PRPS1: variants seen among roughly 807,000 people sequenced by gnomAD.
The protein encoded by PRPS1 is ribose-phosphate pyrophosphokinase 1.
Under a neutral mutation model 16.9 loss-of-function variants are expected in PRPS1, and 1 was observed. The observed-to-expected ratio is 0.06, with a 90% CI of 0.02 to 0.28. The LOEUF is 0.28. Ranked by LOEUF, PRPS1 falls within the 10% of genes least tolerant of loss-of-function variation. The pLI is 1.00. For synonymous variants in PRPS1, 70 were observed against 90.2 expected (o/e 0.78, Z 1.27); for missense variants, 47 against 254.0 (o/e 0.19, Z 5.54).
chrX:107,641,051 G>A, intron 3 of PRPS1, 51 bp downstream of exon 3: 1 of 1,211,626 alleles, frequency 8.3e-7, no homozygotes, highest in Non-Finnish European at 1.1e-6. Context: ...GGAAAGGACT[G>A]ATGATGCTGA....
chrX:107,646,201 C>A (rs1925687948), intron 5 of PRPS1, among the ~76,000 whole-genome samples: 1 of 111,419 alleles, frequency 9.0e-6, no homozygotes, highest in East Asian at 2.8e-4. Context: ...ATCTTGGGCT[C>A]AAGAAATCCT....
chrX:107,639,958 A>T (rs2147681768), intron 2 of PRPS1, among the ~76,000 whole-genome samples: 1 of 112,845 alleles, frequency 8.9e-6, no homozygotes, highest in South Asian at 3.6e-4. Context: ...TATACATAAA[A>T]CTTTGCAAGT....
chrX:107,638,317 C>G (rs1226365848), intron 1 of PRPS1, among the ~76,000 whole-genome samples: 1 of 111,304 alleles, frequency 9.0e-6, no homozygotes, highest in East Asian at 2.8e-4. Flanking sequence ...CTGTGTTGGC[C>G]AGGCTGGTCT....
At chrX:107,633,557 AT>A (rs1040296958) in intron 1 of PRPS1, among the ~76,000 whole-genome samples, 1 of 110,117 alleles carries the variant, frequency 9.1e-6, no homozygotes, top group African/African-American at 3.3e-5. Flanking sequence ...ATTTATTTTT[AT>A]TTTTTGTTTG....
intron 1 of PRPS1, 105 bp from the exon 2 acceptor site, chrX:107,639,190 C>A (rs1602900565): frequency 1.0e-6 from 1 of 981,625 alleles, no homozygotes. Flanking sequence ...CAAATATTTT[C>A]AATCCACACT....
rs1925524303 is a variant in PRPS1 at position 107,639,495 on chromosome X, A to T, written c.306+17A>T. 2.5e-6 allele frequency: 3 copies of T among 1,207,831 alleles called. No individual in the cohort carries two copies. The highest frequency in any genetic ancestry group is 3.4e-6 in the Non-Finnish European group (3 of 891,846). Reference sequence around the variant, plus strand: ...AAAGATAAGGTAGGAGCAGAATTTTATTTTTTGAGCAGAGGAAGCAGGAGC... The same window carrying T: ...AAAGATAAGGTAGGAGCAGAATTTTTTTTTTTGAGCAGAGGAAGCAGGAGC... On this transcript the variant is annotated intron_variant, in intron 2 of 6. Transcript: ENST00000372435.
rs1324089280 is a variant in PRPS1 at position 107,641,073 on chromosome X, A to T, written c.405+73A>T. On this transcript the variant is annotated intron_variant, in intron 3 of 6. Transcript: ENST00000372435. ...ACTGATGATGCTGAAGACTGCAGAG[A>T]AGCCAAAAATTATGCCCAAGTACAT... 3 of 1,208,776 alleles carry T rather than the reference A, an allele frequency of 2.5e-6. No homozygotes were observed. The African/African-American group carries it at 5.3e-5, about 21-fold the overall frequency.
At chrX:107,628,889 G>A in intron 1 of PRPS1, 139 bp downstream of exon 1, 1 of 901,388 alleles carries the variant, frequency 1.1e-6, no homozygotes, top group Non-Finnish European at 1.6e-6. Flanking sequence ...CCTACCCCAC[G>A]GGCTGTTTCC....
chrX:107,644,591 G>A (rs1925647324), intron 4 of PRPS1, among the ~76,000 whole-genome samples: 1 of 111,872 alleles, frequency 8.9e-6, no homozygotes, highest in African/African-American at 3.2e-5. Context: ...GTACTGGTGA[G>A]GGTGTCTGTC....
chrX:107,641,950 AT>A (rs1925582828), intron 3 of PRPS1, among the ~76,000 whole-genome samples: 1 of 112,621 alleles, frequency 8.9e-6, no homozygotes, highest in African/African-American at 3.2e-5. Flanking sequence ...AGTAGCTTCC[AT>A]TAAGTTTATA....
chrX:107,650,933 T>C lies in PRPS1; in HGVS notation c.*901T>C, dbSNP rs1342921454. 4.0e-6 allele frequency: 1 copy of C among 247,279 alleles called. No homozygotes were observed. Among genetic ancestry groups the C allele is most frequent in the Non-Finnish European group, 7.2e-6 (1 of 139,521 alleles). The allele number at this position is 247,279 out of a possible 1,213,427, so 20.4% of individuals were successfully genotyped here. ...TTTTCATCTTCCTTCTTTGGATCTATTTGGCCTCTCAAATGAACTGAGATT... is the reference window on the plus strand; with the variant it reads ...TTTTCATCTTCCTTCTTTGGATCTACTTGGCCTCTCAAATGAACTGAGATT... On this transcript the variant is annotated 3_prime_UTR_variant, in exon 7 of 7. Transcript: ENST00000372435.
chrX:107,628,865 AGC>A, intron 1 of PRPS1, 115 bp downstream of exon 1: 1 of 1,055,716 alleles, frequency 9.5e-7, no homozygotes. Flanking sequence ...GAGAGGGTGC[AGC>A]TCTGTGACTA....
At chrX:107,645,956 C>T (rs1274098614) in intron 5 of PRPS1, among the ~76,000 whole-genome samples, 2 of 110,681 alleles carry the variant, frequency 1.8e-5, no homozygotes, top group Admixed American at 9.7e-5. Context: ...AGTCACCGTT[C>T]TCTCACCTCC....
intron 1 of PRPS1, 112 bp from the exon 2 acceptor site, chrX:107,639,183 A>T (rs1167445210): frequency 2.1e-6 from 2 of 963,409 alleles, no homozygotes; most frequent in African/African-American, 3.8e-5. Context: ...TTTTCTCCAA[A>T]TATTTTCAAT....
chrX:107,646,918 G>A (rs937025236), intron 5 of PRPS1, among the ~76,000 whole-genome samples: 8 of 112,653 alleles, frequency 7.1e-5, no homozygotes, highest in African/African-American at 2.3e-4. Flanking sequence ...GCTGGGAAAT[G>A]TAGTTCAGCT....
rs2147687976 is a variant in PRPS1, at chrX:107,650,718, C to T, written c.*686C>T. On this transcript the variant is annotated 3_prime_UTR_variant, in exon 7 of 7. Transcript: ENST00000372435. Reference sequence around the variant, plus strand: ...TCATCTATCTTGATCCTTTCCTGGCCAAATATCCTCTTGGGCCCAAATGAA... The same window carrying T: ...TCATCTATCTTGATCCTTTCCTGGCTAAATATCCTCTTGGGCCCAAATGAA... 1 of 298,139 alleles carries T rather than the reference C, an allele frequency of 3.4e-6. No individual in the cohort carries two copies. The highest frequency in any genetic ancestry group is 4.7e-5 in the East Asian group (1 of 21,055). 24.6% of individuals were successfully genotyped at this position (298,139 alleles called of 1,213,427 possible).
intron 4 of PRPS1, among the ~76,000 whole-genome samples, chrX:107,643,777 C>T (rs1925628346): frequency 9.0e-6 from 1 of 111,582 alleles, no homozygotes; most frequent in Admixed American, 9.6e-5. Context: ...TCATTCCAAG[C>T]GAATTGGTTA....
intron 2 of PRPS1, 117 bp downstream of exon 2, chrX:107,639,595 C>T: frequency 1.4e-6 from 1 of 739,439 alleles, no homozygotes; most frequent in South Asian, 2.3e-5. Flanking sequence ...ATCACCTTTT[C>T]TTAGGTATTA....
At chrX:107,646,957 T>C (rs1271133520) in intron 5 of PRPS1, among the ~76,000 whole-genome samples, 1 of 112,505 alleles carries the variant, frequency 8.9e-6, no homozygotes, top group Non-Finnish European at 1.9e-5. Flanking sequence ...GGAAGTGGAT[T>C]TTGTTAAGTG....
Sources: allele counts gnomAD v4.1 joint callset (sites outside exome capture counted in the v4.1 genomes callset), GRCh38; gene constraint gnomAD v4.1.1; transcripts MANE v1.5; gene names NCBI Gene and HGNC (gene_info 2026-07-23, HGNC 2026-07-21).